Variants in ZC4H2 observed in about 807,000 individuals in gnomAD.
ZC4H2 encodes zinc finger C4H2-type containing.
For synonymous variants in ZC4H2, 84 were observed against 66.3 expected, an observed-to-expected ratio of 1.27 and a Z score of -1.30; for missense variants, 137 against 173.9, an observed-to-expected ratio of 0.79 and a Z score of 1.19.
intron 1 of ZC4H2, among the ~76,000 whole-genome samples, chrX:64,966,526 A>G (rs765446135): frequency 8.9e-6 from 1 of 112,786 alleles, no homozygotes; most frequent in Non-Finnish European, 1.9e-5. Context: ...TATTCATAAG[A>G]GCCAAAACAG....
In ZC4H2 at chrX:64,916,267, G is replaced by T. The variant is rs555964787; in HGVS notation, c.*1516C>A. 9.0e-6 allele frequency: 1 copy of T among 111,428 alleles called. No individual in the cohort carries two copies. Among genetic ancestry groups the T allele is most frequent in the African/African-American group, 3.3e-5 (1 of 30,616 alleles). The allele number at this position is 111,428 out of a possible 1,213,427, so 9.2% of individuals were successfully genotyped here. A position where few individuals can be genotyped will look rare whatever the true frequency, so the allele number is the denominator to read the frequency against. ...TGCATAGGTACCTGGCACAGAGTAG[G>T]TGCTAAATAAATGGAAATTATTGTG... On this transcript the variant is annotated 3_prime_UTR_variant, in exon 5 of 5. Coordinates refer to ENST00000374839, the MANE Select transcript of ZC4H2 (RefSeq NM_018684.4).
intron 1 of ZC4H2, among the ~76,000 whole-genome samples, chrX:65,022,707 A>C (rs1322613579): frequency 8.9e-6 from 1 of 112,022 alleles, no homozygotes; most frequent in East Asian, 2.8e-4. Flanking sequence ...ATTGCTACAA[A>C]GAATTAAAAT....
chrX:64,974,307 T>G (rs1931873510), intron 1 of ZC4H2, among the ~76,000 whole-genome samples: 1 of 112,251 alleles, frequency 8.9e-6, no homozygotes, highest in African/African-American at 3.2e-5. Flanking sequence ...ATTCATTTTC[T>G]GAGATTTTCT....
At chrX:65,027,584 G>A (rs1046518452) in intron 1 of ZC4H2, among the ~76,000 whole-genome samples, 1 of 111,373 alleles carries the variant, frequency 9.0e-6, no homozygotes, top group African/African-American at 3.3e-5. Flanking sequence ...AGAGTCTGAG[G>A]TGACCTTTAT....
intron 1 of ZC4H2, among the ~76,000 whole-genome samples, chrX:65,034,086 CAAAAAAA>C (rs768065058): frequency 1.1e-4 from 5 of 45,191 alleles, no homozygotes; most frequent in South Asian, 2.9e-3. Flanking sequence ...AAGACTTTGT[CAAAAAAA>C]AAAAAAAAAA....
At chrX:65,020,444 T>C in intron 1 of ZC4H2, among the ~76,000 whole-genome samples, 1 of 111,661 alleles carries the variant, frequency 9.0e-6, no homozygotes, top group South Asian at 3.8e-4. Context: ...CTAAGCTTCA[T>C]AAGTGAAGGA....
chrX:64,933,144 C>T (rs1172958294), intron 1 of ZC4H2, among the ~76,000 whole-genome samples: 8 of 111,710 alleles, frequency 7.2e-5, no homozygotes, highest in Non-Finnish European at 1.3e-4. Flanking sequence ...CTTGTTCTAG[C>T]TTATTGTTAA....
intron 1 of ZC4H2, among the ~76,000 whole-genome samples, chrX:65,002,142 C>G (rs752943186): frequency 8.9e-6 from 1 of 111,978 alleles, no homozygotes; most frequent in Admixed American, 9.4e-5. Context: ...AATATACATT[C>G]TTCTCACCAA....
chrX:65,020,094 C>G (rs1327036997), intron 1 of ZC4H2, among the ~76,000 whole-genome samples: 1 of 111,937 alleles, frequency 8.9e-6, no homozygotes, highest in Non-Finnish European at 1.9e-5. Flanking sequence ...GAGAATGGAA[C>G]AAAGTTGGAA....
chrX:64,920,028 G>T lies in ZC4H2; in HGVS notation c.398+53C>A, dbSNP rs757844959. 4 of 1,154,479 alleles carry T rather than the reference G, an allele frequency of 3.5e-6. No homozygotes were observed. In the South Asian group the frequency reaches 7.9e-5, roughly 23 times the overall value. ...CGTGTGTGTGTAGGTATGTAAGTAT[G>T]TATGTGGGTCGGAGGGAGGGTATGT... is the stretch of plus-strand genomic sequence containing the variant. On this transcript the variant is annotated intron_variant, in intron 3 of 4. Transcript: ENST00000374839.
At chrX:64,980,149 A>G (rs1932054506), upstream of ZC4H2, among the ~76,000 whole-genome samples, 2 of 112,238 alleles carry the variant, frequency 1.8e-5, no homozygotes. Flanking sequence ...CTAAGAGAAA[A>G]GTGAGCCAAA....
chrX:64,921,711 C>A (rs1337307641), intron 2 of ZC4H2, 106 bp downstream of exon 2: 6 of 905,577 alleles, frequency 6.6e-6, no homozygotes, highest in Non-Finnish European at 9.1e-6. Flanking sequence ...TGCACTGATG[C>A]CTGCTCCCCG....
rs935772315 is a variant in ZC4H2 at position 64,967,006 on chromosome X, C to T, written c.53+9319G>A. Reference sequence around the variant, plus strand: ...ACTGCACCCAGAATTAAATCTAAACCTACAACTCCCACTAAACATAACTTC... The same window carrying T: ...ACTGCACCCAGAATTAAATCTAAACTTACAACTCCCACTAAACATAACTTC... On this transcript the variant is annotated intron_variant, in intron 1 of 4. Coordinates refer to ENST00000374839, the MANE Select transcript of ZC4H2 (RefSeq NM_018684.4). Among the ~76,000 whole-genome samples, 3 of 111,120 alleles carry T rather than the reference C, an allele frequency of 2.7e-5. No homozygotes were observed. In the Admixed American group the frequency reaches 2.9e-4, roughly 11 times the overall value.
At chrX:65,002,335 C>G (rs1388433251) in intron 1 of ZC4H2, among the ~76,000 whole-genome samples, 10 of 109,164 alleles carry the variant, frequency 9.2e-5, no homozygotes, top group Non-Finnish European at 1.7e-4. Context: ...CCAGCCGCCC[C>G]GTCCGGGAGG....
At chrX:64,921,548 C>T (rs1025385151) in intron 2 of ZC4H2, among the ~76,000 whole-genome samples, 1 of 111,720 alleles carries the variant, frequency 9.0e-6, no homozygotes, top group Non-Finnish European at 1.9e-5. Flanking sequence ...CACATCAAAT[C>T]AGTACATTTA....
Position 65,005,860 on chromosome X carries a change from G to GA in ZC4H2, c.-272+28768dup, listed in dbSNP as rs771477100. On this transcript the variant is annotated intron_variant, in intron 1 of 4. Coordinates refer to the ZC4H2 transcript ENST00000337990. Reference sequence around the variant, plus strand: ...TCTACAAGGAACGTAAACACATTTAGAAAAAAAAAAAGCAACCCTATTAAA... The same window carrying GA: ...TCTACAAGGAACGTAAACACATTTAGAAAAAAAAAAAAGCAACCCTATTAAA... Among the ~76,000 whole-genome samples, 224 of 96,151 alleles carry GA rather than the reference G, an allele frequency of 2.3e-3. 1 individual carries two copies. The highest frequency in any genetic ancestry group is 2.9e-3 in the Non-Finnish European group (140 of 47,627). The allele number at this position is 96,151 out of a possible 115,157, so 83.5% of individuals were successfully genotyped here. A position where few individuals can be genotyped will look rare whatever the true frequency, so the allele number is the denominator to read the frequency against.
intron 1 of ZC4H2, among the ~76,000 whole-genome samples, chrX:65,021,602 C>G (rs1052911642): frequency 9.0e-6 from 1 of 110,787 alleles, no homozygotes; most frequent in East Asian, 2.8e-4. Context: ...ACCCTAGCAT[C>G]GCAATGAAAA....
chrX:64,932,793 T>A (rs1054843966), intron 1 of ZC4H2, among the ~76,000 whole-genome samples: 2 of 111,327 alleles, frequency 1.8e-5, no homozygotes, highest in Admixed American at 9.6e-5. Context: ...AAAATTATGT[T>A]TTTTTTAATC....
intron 1 of ZC4H2, among the ~76,000 whole-genome samples, chrX:64,944,301 T>C (rs988141696): frequency 9.2e-6 from 1 of 108,898 alleles, no homozygotes; most frequent in Non-Finnish European, 1.9e-5. Flanking sequence ...CCACCATGCC[T>C]GGCTAATTGT....
Sources: allele counts gnomAD v4.1 joint callset (sites outside exome capture counted in the v4.1 genomes callset), GRCh38; gene constraint gnomAD v4.1.1; transcripts MANE v1.5; gene names NCBI Gene and HGNC (gene_info 2026-07-23, HGNC 2026-07-21).